Variants in GLG1 observed in about 807,000 individuals in gnomAD.
The protein encoded by GLG1 is Golgi apparatus protein 1.
GLG1 carries 38 observed loss-of-function variants against 160.5 expected under a neutral mutation model. The observed-to-expected ratio is 0.24, with a 90% CI of 0.18 to 0.31. The LOEUF (loss-of-function observed/expected upper bound fraction) is 0.31, where lower values mean the gene tolerates loss of function less well. Ranked by LOEUF, GLG1 falls within the 10% of genes least tolerant of loss-of-function variation. The pLI is 1.00. For synonymous variants in GLG1, 644 were observed against 543.4 expected, an observed-to-expected ratio of 1.19 and a Z score of -2.57; for missense variants, 1,373 against 1,505.2, an observed-to-expected ratio of 0.91 and a Z score of 1.45.
At position 74,453,463 on chromosome 16, in the gene GLG1, TAAG is replaced by T. The variant is rs1249415180; in HGVS notation, c.3373-132_3373-130del. On this transcript the variant is annotated intron_variant, in intron 25 of 25. Transcript: ENST00000422840. ...TCTTTTGGAGAGGGAGGGCAGGAGA[TAAG>T]AAAAATCAACACAGAGCTACAACTC... 5 of 629,436 alleles carry T rather than the reference TAAG, an allele frequency of 7.9e-6. No individual in the cohort carries two copies. In the African/African-American group the frequency reaches 9.2e-5, roughly 12 times the overall value. The allele number at this position is 629,436 out of a possible 1,614,324, so 39.0% of individuals were successfully genotyped here.
At chr16:74,598,528 A>C (rs555329095) in intron 1 of GLG1, among the ~76,000 whole-genome samples, 1 of 151,460 alleles carries the variant, frequency 6.6e-6, no homozygotes, top group Admixed American at 6.6e-5. Flanking sequence ...TCAAAAAAAA[A>C]AAGAAAAAAG....
chr16:74,460,092 G>C (rs2014727886), intron 22 of GLG1, among the ~76,000 whole-genome samples: 1 of 151,616 alleles, frequency 6.6e-6, no homozygotes, highest in Non-Finnish European at 1.5e-5. Context: ...CACGATCTCG[G>C]CTCACCGCAA....
intron 8 of GLG1, among the ~76,000 whole-genome samples, chr16:74,486,780 G>C (rs1053024585): frequency 5.3e-5 from 8 of 152,118 alleles, no homozygotes; most frequent in African/African-American, 1.9e-4. Flanking sequence ...CTAAGTTTTA[G>C]TTTCTTTAAC....
chr16:74,543,202 C>T (rs1187600787), intron 1 of GLG1, among the ~76,000 whole-genome samples: 23 of 152,188 alleles, frequency 1.5e-4, no homozygotes, highest in Non-Finnish European at 3.1e-4. Context: ...AGGAAGTGGA[C>T]TTCCATCTGA....
chr16:74,477,062 C>G (rs976529712), intron 12 of GLG1, among the ~76,000 whole-genome samples: 4 of 152,110 alleles, frequency 2.6e-5, no homozygotes, highest in Non-Finnish European at 5.9e-5. Context: ...AAGCTTTCTA[C>G]AAAAATGCCT....
In GLG1 at chr16:74,472,626, C is replaced by T. The variant is rs13339376; in HGVS notation, c.2053-215G>A. The stretch of plus-strand genomic sequence containing the variant: ...AAGGCAAATTTTTAAAGACATATTC[C>T]CTTTCGGCCTGAACAAATGAGAAGG... On this transcript the variant is annotated intron_variant, in intron 13 of 25. Transcript: ENST00000422840. 5,391 of 1,388,820 alleles carry T rather than the reference C, an allele frequency of 3.9e-3. 166 individuals are homozygous for T. In the African/African-American group the frequency reaches 0.069, roughly 18 times the overall value. 86.0% of individuals were successfully genotyped at this position (1,388,820 alleles called of 1,614,324 possible). A position where few individuals can be genotyped will look rare whatever the true frequency, so the allele number is the denominator to read the frequency against.
intron 1 of GLG1, among the ~76,000 whole-genome samples, chr16:74,569,207 G>A (rs2018748203): frequency 6.6e-6 from 1 of 152,196 alleles, no homozygotes. Context: ...CTGTATGGGT[G>A]TTTCAGAAAA....
chr16:74,533,329 A>AAAAAG (rs1555513708), intron 1 of GLG1, among the ~76,000 whole-genome samples: 1 of 152,198 alleles, frequency 6.6e-6, no homozygotes, highest in Non-Finnish European at 1.5e-5. Flanking sequence ...TCAAAAAACA[A>AAAAAG]AAAACAAAAC....
intron 1 of GLG1, among the ~76,000 whole-genome samples, chr16:74,603,693 T>C (rs943321201): frequency 3.3e-5 from 5 of 152,132 alleles, no homozygotes; most frequent in Non-Finnish European, 5.9e-5. Context: ...TAAAGTATTT[T>C]AAAATGACTG....
intron 4 of GLG1, among the ~76,000 whole-genome samples, chr16:74,501,004 T>C (rs2016384460): frequency 6.6e-6 from 1 of 152,220 alleles, no homozygotes; most frequent in African/African-American, 2.4e-5. Context: ...TCCTCGGTCC[T>C]CTGGAGGAGG....
chr16:74,570,717 G>A (rs529653154), intron 1 of GLG1, among the ~76,000 whole-genome samples: 12 of 152,196 alleles, frequency 7.9e-5, no homozygotes, highest in African/African-American at 2.9e-4. Context: ...TCAACATAGT[G>A]GGACCCTGTC....
At chr16:74,550,562 A>G (rs1195921630) in intron 1 of GLG1, among the ~76,000 whole-genome samples, 1 of 152,200 alleles carries the variant, frequency 6.6e-6, no homozygotes, top group Non-Finnish European at 1.5e-5. Context: ...GAAACGTGAT[A>G]AGCTCTAAAT....
chr16:74,515,242 C>G (rs1210507579), intron 2 of GLG1, among the ~76,000 whole-genome samples: 1 of 152,136 alleles, frequency 6.6e-6, no homozygotes, highest in African/African-American at 2.4e-5. Context: ...ATCAACGAGA[C>G]AGAAAATTAA....
chr16:74,499,078 C>A (rs141235124), intron 4 of GLG1, among the ~76,000 whole-genome samples: 1 of 151,956 alleles, frequency 6.6e-6, no homozygotes, highest in African/African-American at 2.4e-5. Context: ...ATATCTACTG[C>A]GGACATGAAT....
At chr16:74,500,893 C>G (rs1671567872) in intron 4 of GLG1, among the ~76,000 whole-genome samples, 1 of 152,070 alleles carries the variant, frequency 6.6e-6, no homozygotes, top group South Asian at 2.1e-4. Context: ...CTTCTTTGTT[C>G]TAAAATTTAT....
intron 1 of GLG1, among the ~76,000 whole-genome samples, chr16:74,564,868 CAA>C (rs1002512031): frequency 1.3e-5 from 2 of 152,162 alleles, no homozygotes; most frequent in Non-Finnish European, 2.9e-5. Flanking sequence ...TTCCTAAAAA[CAA>C]GAGATCCCAG....
At chr16:74,470,977 G>A (rs2015188867) in intron 15 of GLG1, among the ~76,000 whole-genome samples, 196 bp downstream of exon 15, 1 of 151,686 alleles carries the variant, frequency 6.6e-6, no homozygotes, top group Non-Finnish European at 1.5e-5. Context: ...GGTTGGTCTT[G>A]AACTCCTGGC....
chr16:74,520,230 A>G (rs1371292485), intron 2 of GLG1, among the ~76,000 whole-genome samples: 1 of 152,166 alleles, frequency 6.6e-6, no homozygotes, highest in Non-Finnish European at 1.5e-5. Flanking sequence ...CAGCATCCTC[A>G]GAATTTCCTT....
chr16:74,510,097 T>C (rs1278363126), intron 2 of GLG1, among the ~76,000 whole-genome samples: 3 of 151,318 alleles, frequency 2.0e-5, no homozygotes, highest in Non-Finnish European at 4.4e-5. Context: ...AATGGCGCGA[T>C]CTCGGCTCAC....
Sources: gnomAD v4.1 joint callset for allele counts (sites outside exome capture counted in the v4.1 genomes callset) on GRCh38, gnomAD v4.1.1 for gene constraint, MANE v1.5 for transcripts, NCBI Gene and HGNC (gene_info 2026-07-23, HGNC 2026-07-21) for gene names.